BID: variants seen among roughly 807,000 people sequenced by gnomAD.
The protein encoded by BID is BH3-interacting domain death agonist.
BID carries 19 observed loss-of-function variants against 17.4 expected under a neutral mutation model. That is an observed-to-expected ratio of 1.09 (90% CI 0.76 to 1.60). The LOEUF is 1.60. Among genes scored for constraint, BID ranks in the 40% most tolerant of loss-of-function variants. The pLI is 0.00. For missense variants in BID, 226 were observed against 256.0 expected, an observed-to-expected ratio of 0.88 and a Z score of 0.80; for synonymous variants, 108 against 102.8, an observed-to-expected ratio of 1.05 and a Z score of -0.31.
chr22:17,750,589 G>A (rs1222518342), intron 1 of BID, among the ~76,000 whole-genome samples: 2 of 152,242 alleles, frequency 1.3e-5, no homozygotes, highest in Non-Finnish European at 2.9e-5. Flanking sequence ...AGCACTTTGG[G>A]AGGCCGAGGC....
chr22:17,774,641 C>G (rs1462201519), upstream of BID: 5 of 151,710 alleles, frequency 3.3e-5, no homozygotes, highest in Non-Finnish European at 5.9e-5. Flanking sequence ...CACCCTTACC[C>G]CTTACGCGAC....
intron 1 of BID, among the ~76,000 whole-genome samples, chr22:17,771,323 T>A (rs994298108): frequency 6.6e-6 from 1 of 152,106 alleles, no homozygotes; most frequent in Non-Finnish European, 1.5e-5. Flanking sequence ...ACGGTCTTGA[T>A]CTCCTGACCT....
chr22:17,773,668 T>G lies in BID; in HGVS notation c.-59+713A>C. 6.2e-7 allele frequency: 1 copy of G among 1,611,054 alleles called. No homozygotes were observed. Among genetic ancestry groups the G allele is most frequent in the Non-Finnish European group, 8.5e-7 (1 of 1,179,878 alleles). ...CCCCTCGCTGCCCACCGAGCCATCA[T>G]GACCCCAGCACCGCTGCACATTCGT... On this transcript the variant is annotated intron_variant, in intron 1 of 5. Coordinates refer to ENST00000622694, the MANE Select transcript of BID (RefSeq NM_001196.4). The surrounding 1 kb of genome is among the most constrained non-coding windows in gnomAD (Gnocchi z 4.4).
At chr22:17,748,510 AAAAAAAT>A (rs1473451260) in intron 2 of BID, among the ~76,000 whole-genome samples, 2 of 152,156 alleles carry the variant, frequency 1.3e-5, no homozygotes, top group Non-Finnish European at 2.9e-5. Flanking sequence ...AATCTCAAAA[AAAAAAAT>A]AAAAATAAAA....
intron 1 of BID, among the ~76,000 whole-genome samples, chr22:17,753,508 G>A (rs1020805234): frequency 1.3e-5 from 2 of 152,208 alleles, no homozygotes; most frequent in South Asian, 2.1e-4. Flanking sequence ...TCAACTTTAG[G>A]TGGAGCACCA....
chr22:17,735,455 G>T lies in BID; in HGVS notation c.*125C>A. The T allele has an allele frequency of 9.4e-7, 1 of 1,068,354 alleles. No individual in the cohort carries two copies. The highest frequency in any genetic ancestry group is 1.4e-6 in the Non-Finnish European group (1 of 709,868). The allele number at this position is 1,068,354 out of a possible 1,614,324, so 66.2% of individuals were successfully genotyped here. On this transcript the variant is annotated 3_prime_UTR_variant, in exon 6 of 6. Transcript: ENST00000622694. ...CATTGTCTTTAAAATAGAAGTCACA[G>T]CTATCTTCCAGCCTGTCTTCTCTAG...
chr22:17,767,391 A>T (rs1157625429), intron 1 of BID, among the ~76,000 whole-genome samples: 1 of 152,216 alleles, frequency 6.6e-6, no homozygotes, highest in Admixed American at 6.5e-5. Context: ...ACTCAAAAAA[A>T]GTTTTCCACA....
chr22:17,759,241 C>CAAAAAA (rs1555906713), intron 1 of BID, among the ~76,000 whole-genome samples: 1 of 97,084 alleles, frequency 1.0e-5, no homozygotes, highest in African/African-American at 5.1e-5. Context: ...AAACAAAAAA[C>CAAAAAA]AAAACAAAAA....
chr22:17,757,227 C>T (rs937266891), intron 1 of BID, among the ~76,000 whole-genome samples: 7 of 151,566 alleles, frequency 4.6e-5, no homozygotes, highest in African/African-American at 1.7e-4. Context: ...CCAGCCTAGG[C>T]AATCTGGTGA....
At chr22:17,756,549 T>TCCTTTCTC (rs2061592539) in intron 1 of BID, among the ~76,000 whole-genome samples, 1 of 149,640 alleles carries the variant, frequency 6.7e-6, no homozygotes. Context: ...CTTCCTTCCT[T>TCCTTTCTC]CTTTCTTTCC....
chr22:17,747,928 T>C (rs1409632155), intron 2 of BID, among the ~76,000 whole-genome samples: 1 of 151,438 alleles, frequency 6.6e-6, no homozygotes, highest in Admixed American at 6.6e-5. Context: ...ATACAAAAAT[T>C]AGCCAGGTGC....
At chr22:17,760,133 CAAA>C (rs34899110) in intron 1 of BID, among the ~76,000 whole-genome samples, 4 of 65,202 alleles carry the variant, frequency 6.1e-5, no homozygotes, top group Admixed American at 1.9e-4. Context: ...GACTCCATCT[CAAA>C]AAAAAAAAAA....
intron 1 of BID, among the ~76,000 whole-genome samples, chr22:17,752,357 T>C (rs1310768137): frequency 6.6e-6 from 1 of 152,146 alleles, no homozygotes; most frequent in Non-Finnish European, 1.5e-5. Context: ...AACCCACAAC[T>C]CATCCAGCTC....
At position 17,745,684 on chromosome 22, in the gene BID, T is replaced by G. The variant is rs566916424; in HGVS notation, c.13-1671A>C. Among the ~76,000 whole-genome samples, 17 of 151,884 alleles carry G rather than the reference T, an allele frequency of 1.1e-4. No homozygotes were observed. The East Asian group carries it at 3.3e-3, about 29-fold the overall frequency. ...AAAAAAAATGCTTAAAATAAGGAGC[T>G]TGGCCGGGCGCGGTGGCTCACGCCT... On this transcript the variant is annotated intron_variant, in intron 2 of 5. Coordinates refer to ENST00000622694, the MANE Select transcript of BID (RefSeq NM_001196.4).
chr22:17,771,150 A>G (rs1386033976), intron 1 of BID, among the ~76,000 whole-genome samples: 5 of 152,106 alleles, frequency 3.3e-5, no homozygotes, highest in Admixed American at 3.3e-4. Flanking sequence ...CCCAGGCTGG[A>G]GTGCAGTGGC....
Position 17,770,239 on chromosome 22 carries a change from C to T in BID, c.-59+4142G>A, listed in dbSNP as rs547414026. Among the ~76,000 whole-genome samples, 5 of 152,224 alleles carry T rather than the reference C, an allele frequency of 3.3e-5. No individual in the cohort carries two copies. The East Asian group carries it at 7.7e-4, about 24-fold the overall frequency. Reference sequence around the variant, plus strand: ...AAGAAGCCCTCACGCACTCCCAGCCCAGAGAGGGAAGCTGTAAAGGTGGAC... The same window carrying T: ...AAGAAGCCCTCACGCACTCCCAGCCTAGAGAGGGAAGCTGTAAAGGTGGAC... On this transcript the variant is annotated intron_variant, in intron 1 of 5. Coordinates refer to ENST00000622694, the MANE Select transcript of BID (RefSeq NM_001196.4).
chr22:17,758,359 T>C (rs139271334), intron 1 of BID, among the ~76,000 whole-genome samples: 28 of 152,342 alleles, frequency 1.8e-4, no homozygotes, highest in East Asian at 3.9e-4. Flanking sequence ...TAGGAACTTA[T>C]CCAGTTATAT....
chr22:17,738,976 C>T (rs1232803019), intron 4 of BID, among the ~76,000 whole-genome samples: 1 of 152,114 alleles, frequency 6.6e-6, no homozygotes, highest in Non-Finnish European at 1.5e-5. Context: ...GGATTCCAAC[C>T]AAGGAGCTCA....
In BID at chr22:17,734,820, A is replaced by G. The variant is rs1375455412; in HGVS notation, c.*760T>C. On this transcript the variant is annotated 3_prime_UTR_variant, in exon 6 of 6. Transcript: ENST00000622694. ...AAAGTCTTGATGTCATGGAAAGAGA[A>G]AAAGTGTATGCAGTTAGTTACCTGA... The G allele has an allele frequency of 6.6e-6, 1 of 152,262 alleles. No individual in the cohort carries two copies. Among genetic ancestry groups the G allele is most frequent in the Non-Finnish European group, 1.5e-5 (1 of 68,052 alleles). The allele number at this position is 152,262 out of a possible 1,614,324, so 9.4% of individuals were successfully genotyped here. A position where few individuals can be genotyped will look rare whatever the true frequency, so the allele number is the denominator to read the frequency against.
Sources: allele counts gnomAD v4.1 joint callset (sites outside exome capture counted in the v4.1 genomes callset), GRCh38; gene constraint gnomAD v4.1.1; non-coding constraint Gnocchi (gnomAD v3.1); transcripts MANE v1.5; gene names NCBI Gene and HGNC (gene_info 2026-07-23, HGNC 2026-07-21).